Variants in FOXN3 observed in about 807,000 individuals in gnomAD.
FOXN3 encodes forkhead box N3.
In FOXN3, 7 loss-of-function variants were observed where a neutral mutation model predicts 38.4. That is an observed-to-expected ratio of 0.18 (90% CI 0.10 to 0.34). FOXN3 has a LOEUF of 0.34. FOXN3 is among the 10% of genes least tolerant of loss of function. FOXN3 has a pLI of 1.00. For missense variants in FOXN3, 456 were observed against 613.4 expected, an observed-to-expected ratio of 0.74 and a Z score of 2.71; for synonymous variants, 230 against 242.2, an observed-to-expected ratio of 0.95 and a Z score of 0.47.
chr14:89,476,577 A>C (rs560175630), intron 1 of FOXN3, among the ~76,000 whole-genome samples: 68 of 152,372 alleles, frequency 4.5e-4, no homozygotes, highest in African/African-American at 1.6e-3. Flanking sequence ...CATCAGAGTG[A>C]GAGAGAAATC....
chr14:89,345,675 C>T, intron 3 of FOXN3, among the ~76,000 whole-genome samples: 1 of 152,132 alleles, frequency 6.6e-6, no homozygotes, highest in Non-Finnish European at 1.5e-5. Flanking sequence ...CATTCTCATG[C>T]CTTTCCTTCC....
intron 2 of FOXN3, chr14:89,364,403 T>A (rs575603972): frequency 6.6e-6 from 1 of 151,724 alleles, no homozygotes; most frequent in African/African-American, 2.4e-5. Context: ...GAAGGAAAGA[T>A]GGAAAAGAGA....
intron 4 of FOXN3, among the ~76,000 whole-genome samples, chr14:89,237,809 C>A (rs1885024495): frequency 6.6e-6 from 1 of 152,216 alleles, no homozygotes; most frequent in African/African-American, 2.4e-5. Flanking sequence ...TTCTTTGTAG[C>A]ACTCATAGCT....
chr14:89,355,027 A>G (rs1312479607), intron 2 of FOXN3: 1 of 151,892 alleles, frequency 6.6e-6, no homozygotes, highest in African/African-American at 2.4e-5. Flanking sequence ...AAAAACTGAG[A>G]AAAATTACAT....
intron 5 of FOXN3, among the ~76,000 whole-genome samples, chr14:89,170,979 A>T (rs1328176312): frequency 6.6e-6 from 1 of 152,074 alleles, no homozygotes; most frequent in Non-Finnish European, 1.5e-5. Flanking sequence ...TAAATCCAAA[A>T]AAGAAAGGAA....
intron 1 of FOXN3, among the ~76,000 whole-genome samples, chr14:89,517,003 C>T (rs1040902954): frequency 6.6e-6 from 1 of 152,196 alleles, no homozygotes; most frequent in African/African-American, 2.4e-5. Context: ...CTCCCCAGAA[C>T]TGACTCAAAT....
intron 2 of FOXN3, among the ~76,000 whole-genome samples, chr14:89,351,490 T>C (rs1477492328): frequency 6.6e-6 from 1 of 152,224 alleles, no homozygotes; most frequent in Admixed American, 6.5e-5. Flanking sequence ...AGTCAAACTT[T>C]AAAATGCAAA....
chr14:89,360,779 C>CACT (rs1224725225), intron 2 of FOXN3, among the ~76,000 whole-genome samples: 2 of 94,938 alleles, frequency 2.1e-5, no homozygotes, highest in African/African-American at 9.2e-5. Context: ...CCACCTCCAC[C>CACT]ACCACCTCCA....
Position 89,253,766 on chromosome 14 carries a change from G to A in FOXN3, c.745+27184C>T, listed in dbSNP as rs1885534185. Among the ~76,000 whole-genome samples, 4 of 152,082 alleles carry A rather than the reference G, an allele frequency of 2.6e-5. No homozygotes were observed. The South Asian group carries it at 6.2e-4, about 24-fold the overall frequency. Reference sequence around the variant, plus strand: ...TGTACCCTTCTCACTAGCCATCACTGCGTTTTTCAAGACCCCAATCTCTTT... The same window carrying A: ...TGTACCCTTCTCACTAGCCATCACTACGTTTTTCAAGACCCCAATCTCTTT... On this transcript the variant is annotated intron_variant, in intron 4 of 5. Transcript: ENST00000557258.
intron 4 of FOXN3, among the ~76,000 whole-genome samples, chr14:89,269,839 T>G (rs111709372): frequency 1.3e-5 from 2 of 152,152 alleles, no homozygotes; most frequent in African/African-American, 2.4e-5. Context: ...TTTTTCCCCA[T>G]TGCCAATCAC....
chr14:89,402,825 GA>G (rs1309159001), intron 2 of FOXN3, among the ~76,000 whole-genome samples: 1 of 152,196 alleles, frequency 6.6e-6, no homozygotes, highest in Non-Finnish European at 1.5e-5. Context: ...ATGTAATGGA[GA>G]AATACGCCCC....
intron 4 of FOXN3, among the ~76,000 whole-genome samples, chr14:89,257,920 T>C (rs1209805833): frequency 6.6e-6 from 1 of 152,154 alleles, no homozygotes; most frequent in African/African-American, 2.4e-5. Context: ...TGACATTTCC[T>C]CAGAAGACAA....
At chr14:89,352,238 CA>C (rs1000236870) in intron 2 of FOXN3, among the ~76,000 whole-genome samples, 119 of 152,332 alleles carry the variant, frequency 7.8e-4, no homozygotes, top group African/African-American at 2.8e-3. Flanking sequence ...TGAAAGATTT[CA>C]ACTTTGGAAA....
At chr14:89,497,827 CAGT>C (rs1178844033) in intron 1 of FOXN3, among the ~76,000 whole-genome samples, 2 of 152,196 alleles carry the variant, frequency 1.3e-5, no homozygotes, top group Non-Finnish European at 2.9e-5. Flanking sequence ...CTATTTTCCA[CAGT>C]AGTTGTACCA....
chr14:89,460,633 A>G (rs1228048403), intron 1 of FOXN3, among the ~76,000 whole-genome samples: 1 of 151,026 alleles, frequency 6.6e-6, no homozygotes, highest in Non-Finnish European at 1.5e-5. Context: ...AAAATTAATT[A>G]AGTAGAGTTA....
Position 89,530,525 on chromosome 14 carries a change from A to T in FOXN3, c.-15+88503T>A, listed in dbSNP as rs528563984. ...CTAAGAATTATGGGAAATACAATTC[A>T]AGATAAGATTTGGGTAGGGACACAG... On this transcript the variant is annotated intron_variant, in intron 1 of 6. Coordinates refer to the FOXN3 transcript ENST00000345097. Among the ~76,000 whole-genome samples, 9 of 152,330 alleles carry T rather than the reference A, an allele frequency of 5.9e-5. No homozygotes were observed. The East Asian group carries it at 1.7e-3, about 29-fold the overall frequency.
intron 2 of FOXN3, among the ~76,000 whole-genome samples, chr14:89,354,574 G>T (rs1889126095): frequency 6.7e-6 from 1 of 148,900 alleles, no homozygotes; most frequent in Non-Finnish European, 1.5e-5. Flanking sequence ...AAAGAAATAG[G>T]CCAGGTGCGG....
At chr14:89,252,896 G>A (rs1263431065) in intron 4 of FOXN3, among the ~76,000 whole-genome samples, 6 of 152,146 alleles carry the variant, frequency 3.9e-5, no homozygotes, top group Non-Finnish European at 7.3e-5. Context: ...ACAACATGGC[G>A]GGTAGGTACT....
At chr14:89,377,056 C>CAAAAAAA (rs1555422580) in intron 2 of FOXN3, among the ~76,000 whole-genome samples, 1 of 52,434 alleles carries the variant, frequency 1.9e-5, no homozygotes, top group Non-Finnish European at 4.4e-5. Context: ...AAAAAAAAAG[C>CAAAAAAA]TTGAGCCTAC....
Sources: allele counts gnomAD v4.1 joint callset (sites outside exome capture counted in the v4.1 genomes callset), GRCh38; gene constraint gnomAD v4.1.1; transcripts MANE v1.5; gene names NCBI Gene and HGNC (gene_info 2026-07-23, HGNC 2026-07-21).